The following HSPA12A variants were observed in gnomAD, a reference collection of about 807,000 sequenced individuals.
HSPA12A encodes the protein heat shock protein family A (Hsp70) member 12A, also known as heat shock 70 kDa protein 12A.
HSPA12A carries 28 observed loss-of-function variants against 69.2 expected under a neutral mutation model. That is an observed-to-expected ratio of 0.40 (90% CI 0.30 to 0.55). The LOEUF (loss-of-function observed/expected upper bound fraction) is 0.55, where lower values mean the gene tolerates loss of function less well. HSPA12A is among the 20% of genes least tolerant of loss of function. The pLI, the probability that HSPA12A is intolerant of heterozygous loss-of-function variation, is 0.38. For synonymous variants in HSPA12A, 345 were observed against 370.5 expected (o/e 0.93, Z 0.79); for missense variants, 686 against 900.7 (o/e 0.76, Z 3.05).
chr10:116,765,660 A>C (rs1554889679), intron 2 of HSPA12A, among the ~76,000 whole-genome samples: 1 of 152,178 alleles, frequency 6.6e-6, no homozygotes, highest in East Asian at 1.9e-4. Context: ...TTCAGGATTA[A>C]AAGTTGAAGG....
intron 1 of HSPA12A, among the ~76,000 whole-genome samples, chr10:116,736,246 T>A (rs1379862829): frequency 6.6e-6 from 1 of 152,112 alleles, no homozygotes; most frequent in Non-Finnish European, 1.5e-5. Flanking sequence ...TGAGATTGAA[T>A]AGAAGTCAAG....
chr10:116,750,279 G>A, intron 2 of HSPA12A: 1 of 816,670 alleles, frequency 1.2e-6, no homozygotes, highest in Non-Finnish European at 2.1e-6. Context: ...GAGGTGACTG[G>A]TGATGAATAC....
At chr10:116,764,683 G>GT (rs782514302) in intron 2 of HSPA12A, among the ~76,000 whole-genome samples, 5 of 152,120 alleles carry the variant, frequency 3.3e-5, no homozygotes, top group Non-Finnish European at 7.4e-5. Context: ...TTTTTATACA[G>GT]TTTTGACTTG....
intron 1 of HSPA12A, among the ~76,000 whole-genome samples, chr10:116,726,735 C>A (rs1246376342): frequency 6.6e-6 from 1 of 152,206 alleles, no homozygotes; most frequent in East Asian, 1.9e-4. Flanking sequence ...CCTACTGCCT[C>A]CAGGTGTGCT....
chr10:116,707,149 GCGCGCACACACACACACACACA>G (rs1850278055), intron 2 of HSPA12A, 29 bp downstream of exon 2: 1 of 441,276 alleles, frequency 2.3e-6, no homozygotes, highest in African/African-American at 3.3e-5. Flanking sequence ...GCGCACCCAT[GCGCGCACACACACACACACACA>G]CACACACACA....
At chr10:116,677,570 C>A (rs1849276709) in intron 10 of HSPA12A, among the ~76,000 whole-genome samples, 1 of 152,182 alleles carries the variant, frequency 6.6e-6, no homozygotes. Flanking sequence ...ACTAACGGGG[C>A]AGAGAACATC....
At chr10:116,731,676 T>C (rs781519152) in intron 1 of HSPA12A, among the ~76,000 whole-genome samples, 16 of 152,242 alleles carry the variant, frequency 1.1e-4, no homozygotes, top group East Asian at 1.9e-4. Context: ...AGAAATTCTT[T>C]ACTACACAGG....
chr10:116,742,608 G>GCCGCAGCCA (rs560750795), upstream of HSPA12A: 12,606 of 1,085,834 alleles, frequency 0.012, 98 homozygotes, highest in Non-Finnish European at 0.013. Context: ...CGCGGCAGCC[G>GCCGCAGCCA]CCGCAGCCAC....
chr10:116,739,652 G>A (rs1851419608), intron 1 of HSPA12A, among the ~76,000 whole-genome samples: 2 of 152,132 alleles, frequency 1.3e-5, no homozygotes, highest in South Asian at 2.1e-4. Flanking sequence ...ACCCACTCAG[G>A]TCATGCGGGA....
At position 116,804,651 on chromosome 10, in the gene HSPA12A, G is replaced by A. The variant is rs571896588; in HGVS notation, c.91+30284C>T. 1.6e-4 allele frequency among the ~76,000 whole-genome samples: 25 copies of A among 152,248 alleles called. No homozygotes were observed. The South Asian group carries it at 5.2e-3, about 32-fold the overall frequency. On this transcript the variant is annotated intron_variant, in intron 2 of 12. Transcript: ENST00000635765. Reference sequence around the variant, plus strand: ...GCAACAAAATCAAGTGCATGTGTAGGTGTTCTGTGTTTTTACAAACTCTCC... The same window carrying A: ...GCAACAAAATCAAGTGCATGTGTAGATGTTCTGTGTTTTTACAAACTCTCC...
At chr10:116,742,091 C>T (rs55721057) in intron 1 of HSPA12A, among the ~76,000 whole-genome samples, 91,825 of 151,912 alleles carry the variant, frequency 0.6, 28,094 homozygotes, top group South Asian at 0.71. Flanking sequence ...GGGCTGCACA[C>T]GCGGGGCGGT....
At chr10:116,754,937 A>G (rs1018475078) in intron 2 of HSPA12A, among the ~76,000 whole-genome samples, 1 of 152,296 alleles carries the variant, frequency 6.6e-6, no homozygotes, top group Admixed American at 6.5e-5. Flanking sequence ...ATGTCAAAAG[A>G]AAACAACTAT....
intron 1 of HSPA12A, among the ~76,000 whole-genome samples, chr10:116,741,469 C>G (rs545909502): frequency 6.6e-6 from 1 of 152,220 alleles, no homozygotes; most frequent in African/African-American, 2.4e-5. Flanking sequence ...CTGGGCCGCG[C>G]TCCTCTCCCC....
In HSPA12A at chr10:116,739,453, G is replaced by A. The variant is rs112401466; in HGVS notation, c.40+2977C>T. ...TCTCCAAAGCCCAATGCCAGGCCTC[G>A]AGAGATACCCTCAACCCAGGCAAAA... On this transcript the variant is annotated intron_variant, in intron 1 of 11. Coordinates refer to ENST00000369209, the MANE Select transcript of HSPA12A (RefSeq NM_025015.3). Among the ~76,000 whole-genome samples the A allele has an allele frequency of 1.4e-3, 212 of 152,132 alleles. 1 individual carries two copies. Among genetic ancestry groups the A allele is most frequent in the Non-Finnish European group, 2.6e-3 (174 of 67,992 alleles).
At chr10:116,783,090 A>T (rs1458694308) in intron 2 of HSPA12A, among the ~76,000 whole-genome samples, 1 of 152,224 alleles carries the variant, frequency 6.6e-6, no homozygotes, top group Non-Finnish European at 1.5e-5. Flanking sequence ...TGTTAAACAG[A>T]TACCAATCAC....
At chr10:116,676,590 C>T (rs1849244843) in intron 10 of HSPA12A, 88 bp from the exon 11 acceptor site, 3 of 1,034,530 alleles carry the variant, frequency 2.9e-6, no homozygotes, top group Admixed American at 1.8e-5. Flanking sequence ...CCTGGCAGAA[C>T]ATCTGTCACT....
rs1849066856 is a variant in HSPA12A at position 116,671,316 on chromosome 10, A to G, written c.*3465T>C. On this transcript the variant is annotated 3_prime_UTR_variant, in exon 12 of 12. Coordinates refer to ENST00000369209, the MANE Select transcript of HSPA12A (RefSeq NM_025015.3). ...TTGAATTTATCTTGTAGTGAATGAG[A>G]CCCCAGTAGCTGATATTTTAGAATA... 6.6e-6 allele frequency: 1 copy of G among 152,006 alleles called. No individual in the cohort carries two copies. The allele number at this position is 152,006 out of a possible 1,614,324, so 9.4% of individuals were successfully genotyped here. A position where few individuals can be genotyped will look rare whatever the true frequency, so the allele number is the denominator to read the frequency against.
intron 2 of HSPA12A, among the ~76,000 whole-genome samples, chr10:116,801,574 G>A (rs1844955019): frequency 6.6e-6 from 1 of 152,006 alleles, no homozygotes; most frequent in African/African-American, 2.4e-5. Context: ...CTAAATTCAA[G>A]CATTCCCACG....
At chr10:116,800,407 T>C (rs1288505281) in intron 2 of HSPA12A, among the ~76,000 whole-genome samples, 2 of 152,132 alleles carry the variant, frequency 1.3e-5, no homozygotes, top group African/African-American at 2.4e-5. Flanking sequence ...AGGGTTAGAC[T>C]GGGTGGATTC....
Sources: allele counts gnomAD v4.1 joint callset (sites outside exome capture counted in the v4.1 genomes callset), GRCh38; gene constraint gnomAD v4.1.1; transcripts MANE v1.5; gene names NCBI Gene and HGNC (gene_info 2026-07-23, HGNC 2026-07-21).